The following CNTNAP2 variants were observed in gnomAD, a reference collection of about 807,000 sequenced individuals.
CNTNAP2 encodes the protein contactin-associated protein-like 2.
Under a neutral mutation model 155.2 loss-of-function variants are expected in CNTNAP2, and 98 were observed. That is an observed-to-expected ratio of 0.63 (90% CI 0.54 to 0.75). The LOEUF is 0.75. Among genes scored for constraint, CNTNAP2 ranks in the 30% least tolerant of loss-of-function variants. The pLI is 0.00. For missense variants in CNTNAP2, 1,727 were observed against 1,688.1 expected, an observed-to-expected ratio of 1.02 and a Z score of -0.40; for synonymous variants, 651 against 631.2, an observed-to-expected ratio of 1.03 and a Z score of -0.47.
chr7:147,223,856 G>T (rs886456918), intron 8 of CNTNAP2, among the ~76,000 whole-genome samples: 2 of 149,230 alleles, frequency 1.3e-5, no homozygotes, highest in South Asian at 2.1e-4. Flanking sequence ...CAGAAGAATC[G>T]CTTGAACCCA....
chr7:146,767,143 C>T (rs1042384039), intron 1 of CNTNAP2, among the ~76,000 whole-genome samples: 4 of 152,050 alleles, frequency 2.6e-5, no homozygotes, highest in African/African-American at 9.7e-5. Context: ...CTTTTGTGAA[C>T]TTATTTGTAG....
At chr7:147,902,804 G>A (rs200470686) in intron 13 of CNTNAP2, among the ~76,000 whole-genome samples, 62 of 128,212 alleles carry the variant, frequency 4.8e-4, no homozygotes, top group Admixed American at 4.5e-3. Context: ...GTGTGTGTGT[G>A]TGTGTGTGTA....
At chr7:148,406,198 C>G (rs1799701255) in intron 22 of CNTNAP2, among the ~76,000 whole-genome samples, 1 of 151,496 alleles carries the variant, frequency 6.6e-6, no homozygotes, top group African/African-American at 2.4e-5. Flanking sequence ...CGCCACTGCA[C>G]TCCAACCTGG....
At chr7:146,747,525 C>A (rs924759726) in intron 1 of CNTNAP2, among the ~76,000 whole-genome samples, 1 of 152,118 alleles carries the variant, frequency 6.6e-6, no homozygotes, top group African/African-American at 2.4e-5. Flanking sequence ...AAAATGCATA[C>A]CACTCCTTAA....
At chr7:147,060,262 G>A (rs146546445) in intron 4 of CNTNAP2, among the ~76,000 whole-genome samples, 227 of 152,154 alleles carry the variant, frequency 1.5e-3, no homozygotes, top group African/African-American at 5.2e-3. Context: ...TTATTTGAAA[G>A]TCATGACAAA....
chr7:147,801,506 T>C (rs1797985059), intron 13 of CNTNAP2, among the ~76,000 whole-genome samples: 1 of 151,710 alleles, frequency 6.6e-6, no homozygotes, highest in African/African-American at 2.4e-5. Context: ...GTACTTGAGA[T>C]TAGGGAGTGG....
chr7:147,613,308 T>C (rs1801222067), intron 12 of CNTNAP2, among the ~76,000 whole-genome samples: 1 of 151,912 alleles, frequency 6.6e-6, no homozygotes, highest in Non-Finnish European at 1.5e-5. Flanking sequence ...TGGTCTATGT[T>C]TCTTGCCTAT....
chr7:147,510,505 G>C (rs532224055), intron 11 of CNTNAP2, among the ~76,000 whole-genome samples: 4 of 151,644 alleles, frequency 2.6e-5, no homozygotes, highest in Non-Finnish European at 5.9e-5. Flanking sequence ...CTTATGTTCT[G>C]AATCAATCAT....
Position 148,267,638 on chromosome 7 carries a change from G to A in CNTNAP2, c.3475+512G>A, listed in dbSNP as rs188545160. 3.3e-3 allele frequency among the ~76,000 whole-genome samples: 462 copies of A among 138,346 alleles called. 3 individuals carry two copies. Among genetic ancestry groups the A allele is most frequent in the Non-Finnish European group, 5.1e-3 (338 of 65,892 alleles). The allele number at this position is 138,346 out of a possible 152,430, so 90.8% of individuals were successfully genotyped here. On this transcript the variant is annotated intron_variant, in intron 21 of 23. Transcript: ENST00000361727. Reference sequence around the variant, plus strand: ...CCACCACACTCCAGCCTGGGTGGCAGAGCGAGACTCTGTCTCAAAAAAAAA... The same window carrying A: ...CCACCACACTCCAGCCTGGGTGGCAAAGCGAGACTCTGTCTCAAAAAAAAA...
intron 2 of CNTNAP2, among the ~76,000 whole-genome samples, chr7:146,831,022 G>A (rs1803500151): frequency 6.6e-6 from 1 of 152,048 alleles, no homozygotes; most frequent in African/African-American, 2.4e-5. Flanking sequence ...CAAATGCTTT[G>A]CAATAATTAA....
intron 18 of CNTNAP2, among the ~76,000 whole-genome samples, chr7:148,204,138 G>A (rs1795410312): frequency 6.6e-6 from 1 of 152,250 alleles, no homozygotes; most frequent in East Asian, 1.9e-4. Context: ...TTTGAATCCT[G>A]TTACTTCCAT....
At position 146,679,757 on chromosome 7, in the gene CNTNAP2, CTTCT is replaced by C. The variant is rs377179921; in HGVS notation, c.98-94507_98-94504del. On this transcript the variant is annotated intron_variant, in intron 1 of 23. Coordinates refer to ENST00000361727, the MANE Select transcript of CNTNAP2 (RefSeq NM_014141.6). ...TCTGTTAATCTCTTTCCCTTCGTTT[CTTCT>C]TTCTTTTCTCTTTTGCCTGTATTCC... 2.6e-4 allele frequency among the ~76,000 whole-genome samples: 39 copies of C among 152,050 alleles called. No individual in the cohort carries two copies. In the East Asian group the frequency reaches 5.0e-3, roughly 20 times the overall value.
intron 1 of CNTNAP2, among the ~76,000 whole-genome samples, chr7:146,592,434 C>T (rs1798797038): frequency 6.6e-6 from 1 of 152,186 alleles, no homozygotes; most frequent in South Asian, 2.1e-4. Context: ...GCCTGCTTTC[C>T]TGCCTGCTCC....
At chr7:146,237,688 A>T (rs802581) in intron 1 of CNTNAP2, among the ~76,000 whole-genome samples, 4,891 of 20,366 alleles carry the variant, frequency 0.24, 1,115 homozygotes, top group East Asian at 0.81. Flanking sequence ...TTCCGGTGCA[A>T]GCACTGGGGA....
chr7:146,411,646 C>T (rs1318548737), intron 1 of CNTNAP2, among the ~76,000 whole-genome samples: 13 of 151,862 alleles, frequency 8.6e-5, no homozygotes, highest in Admixed American at 2.0e-4. Flanking sequence ...TTTATTAAAA[C>T]GGTTATAATA....
In CNTNAP2 at chr7:146,351,191, T is replaced by G. The variant is rs1488035989; in HGVS notation, c.97+234218T>G. ...ACTTAAAGTATAATAATAATAAAAT[T>G]AAAAAAAATTTTCATGTGAACAGAA... On this transcript the variant is annotated intron_variant, in intron 1 of 23. Coordinates refer to ENST00000361727, the MANE Select transcript of CNTNAP2 (RefSeq NM_014141.6). Among the ~76,000 whole-genome samples the G allele has an allele frequency of 2.0e-5, 3 of 151,186 alleles. No homozygotes were observed. The East Asian group carries it at 5.8e-4, about 29-fold the overall frequency.
chr7:147,863,810 G>A lies in CNTNAP2; in HGVS notation c.2099-39755G>A, dbSNP rs796283711. On this transcript the variant is annotated intron_variant, in intron 13 of 23. Coordinates refer to ENST00000361727, the MANE Select transcript of CNTNAP2 (RefSeq NM_014141.6). ...TCTTGTAAATTTGTTTCAGTTCTTCGTAGATTCTGGATATTAGCCCTTTGT... is the reference window on the plus strand; with the variant it reads ...TCTTGTAAATTTGTTTCAGTTCTTCATAGATTCTGGATATTAGCCCTTTGT... Among the ~76,000 whole-genome samples the A allele has an allele frequency of 6.7e-4, 100 of 149,540 alleles. 1 individual carries two copies. Among genetic ancestry groups the A allele is most frequent in the African/African-American group, 1.6e-3 (64 of 40,564 alleles).
intron 1 of CNTNAP2, among the ~76,000 whole-genome samples, chr7:146,350,238 C>T (rs1794891962): frequency 6.6e-6 from 1 of 152,126 alleles, no homozygotes; most frequent in Admixed American, 6.6e-5. Context: ...ATCACTGATA[C>T]CCTTTCTTCC....
chr7:147,623,529 A>G (rs558837711), intron 12 of CNTNAP2, among the ~76,000 whole-genome samples: 1 of 152,202 alleles, frequency 6.6e-6, no homozygotes, highest in South Asian at 2.1e-4. Flanking sequence ...AAAATTAAAT[A>G]CCTGGGAATT....
Sources: gnomAD v4.1 joint callset for allele counts (sites outside exome capture counted in the v4.1 genomes callset) on GRCh38, gnomAD v4.1.1 for gene constraint, MANE v1.5 for transcripts, NCBI Gene and HGNC (gene_info 2026-07-23, HGNC 2026-07-21) for gene names.